The following NUP50 variants were observed in gnomAD, a reference collection of about 807,000 sequenced individuals.
NUP50 encodes the protein nucleoporin 50.
In NUP50, 14 loss-of-function variants were observed where a neutral mutation model predicts 36.8. That is an observed-to-expected ratio of 0.38 (90% CI 0.25 to 0.59). The LOEUF is 0.59. Ranked by LOEUF, NUP50 falls within the 20% of genes least tolerant of loss-of-function variation. NUP50 has a pLI of 0.63. For missense variants in NUP50, 455 were observed against 564.6 expected, an observed-to-expected ratio of 0.81 and a Z score of 1.97; for synonymous variants, 195 against 210.8, an observed-to-expected ratio of 0.93 and a Z score of 0.65.
intron 2 of NUP50, among the ~76,000 whole-genome samples, chr22:45,170,401 C>G (rs1040249273): frequency 7.9e-5 from 12 of 152,158 alleles, no homozygotes; most frequent in South Asian, 2.1e-4. Context: ...TGTGTTACCC[C>G]CAGGCCAGAT....
intron 1 of NUP50, chr22:45,164,529 A>AG (rs2074062951): frequency 6.7e-6 from 1 of 148,904 alleles, no homozygotes; most frequent in Non-Finnish European, 1.5e-5. Flanking sequence ...AAGGGGCTGG[A>AG]GGACGGGACC....
At chr22:45,172,451 C>T (rs553225943) in intron 3 of NUP50, among the ~76,000 whole-genome samples, 2 of 152,130 alleles carry the variant, frequency 1.3e-5, no homozygotes, top group East Asian at 3.8e-4. Flanking sequence ...TGAGCACCAA[C>T]GTGATGCTCC....
At chr22:45,181,217 A>T in intron 5 of NUP50, 69 bp from the exon 6 acceptor site, 3 of 1,068,810 alleles carry the variant, frequency 2.8e-6, no homozygotes, top group Non-Finnish European at 3.9e-6. Flanking sequence ...GTGTTACGTA[A>T]CAAAACTTCA....
In NUP50 at chr22:45,185,271, A is replaced by G. The variant is rs1483925156; in HGVS notation, c.*616A>G. 1.3e-5 allele frequency: 2 copies of G among 152,614 alleles called. No individual in the cohort carries two copies. The highest frequency in any genetic ancestry group is 2.9e-5 in the Non-Finnish European group (2 of 68,360). The allele number at this position is 152,614 out of a possible 1,614,324, so 9.5% of individuals were successfully genotyped here. ...TGCTTCACGAGAATTCAGGACCTGC[A>G]TTTTCATTCTAAAAAGAAATGAACA... On this transcript the variant is annotated 3_prime_UTR_variant, in exon 8 of 8. Coordinates refer to ENST00000347635, the MANE Select transcript of NUP50 (RefSeq NM_007172.4).
chr22:45,186,903 T>A lies in NUP50; in HGVS notation c.*2248T>A, dbSNP rs2083453352. On this transcript the variant is annotated 3_prime_UTR_variant, in exon 8 of 8. Transcript: ENST00000347635. ...TCATTGTAAAATTTAACTCCTTGTC[T>A]TTTACTTGGGGCACGGGGCCCCTGG... is the stretch of plus-strand genomic sequence containing the variant. 1 of 152,396 alleles carries A rather than the reference T, an allele frequency of 6.6e-6. No homozygotes were observed. Among genetic ancestry groups the A allele is most frequent in the Admixed American group, 6.5e-5 (1 of 15,280 alleles). The allele number at this position is 152,396 out of a possible 1,614,324, so 9.4% of individuals were successfully genotyped here.
chr22:45,181,142 C>A lies in NUP50; in HGVS notation c.1004-144C>A, dbSNP rs1161634600. 4 of 171,260 alleles carry A rather than the reference C, an allele frequency of 2.3e-5. No individual in the cohort carries two copies. In the East Asian group the frequency reaches 6.2e-4, roughly 27 times the overall value. 10.6% of individuals were successfully genotyped at this position (171,260 alleles called of 1,614,324 possible). A position where few individuals can be genotyped will look rare whatever the true frequency, so the allele number is the denominator to read the frequency against. On this transcript the variant is annotated intron_variant, in intron 5 of 7. Transcript: ENST00000347635. ...AGGTACTCCCTTCTGGCATCCCCCC[C>A]CCCCCCCATTAAGTGTGCATTTTAG...
rs902529146 is a variant in NUP50, at chr22:45,186,303, CTTT to C, written c.*1651_*1653del. On this transcript the variant is annotated 3_prime_UTR_variant, in exon 8 of 8. Transcript: ENST00000347635. ...GAAGTGGCCGTTAGTTTTACACTGA[CTTT>C]TTAAGAATGGAGAATGCACGTGGGT... is the stretch of plus-strand genomic sequence containing the variant. 1.3e-5 allele frequency: 2 copies of C among 152,184 alleles called. No homozygotes were observed. Among genetic ancestry groups the C allele is most frequent in the African/African-American group, 4.8e-5 (2 of 41,430 alleles). The allele number at this position is 152,184 out of a possible 1,614,324, so 9.4% of individuals were successfully genotyped here. A position where few individuals can be genotyped will look rare whatever the true frequency, so the allele number is the denominator to read the frequency against.
At chr22:45,172,450 A>G (rs1211872752) in intron 3 of NUP50, among the ~76,000 whole-genome samples, 1 of 152,188 alleles carries the variant, frequency 6.6e-6, no homozygotes, top group African/African-American at 2.4e-5. Context: ...TTGAGCACCA[A>G]CGTGATGCTC....
intron 3 of NUP50, among the ~76,000 whole-genome samples, chr22:45,175,206 C>T (rs1027041006): frequency 2.0e-5 from 3 of 152,136 alleles, no homozygotes; most frequent in East Asian, 1.9e-4. Context: ...AGAATTCATA[C>T]GGAATGCCAC....
At chr22:45,182,781 C>T (rs561371566) in intron 6 of NUP50, among the ~76,000 whole-genome samples, 4 of 151,858 alleles carry the variant, frequency 2.6e-5, no homozygotes, top group African/African-American at 4.8e-5. Context: ...CCCGCCACCA[C>T]GCTCAGCTAA....
At chr22:45,170,757 A>G (rs925239375) in intron 2 of NUP50, among the ~76,000 whole-genome samples, 6 of 152,216 alleles carry the variant, frequency 3.9e-5, no homozygotes, top group African/African-American at 1.4e-4. Context: ...CTAGATTACC[A>G]TGTAACTATT....
chr22:45,170,376 G>T (rs1052545686), intron 2 of NUP50, among the ~76,000 whole-genome samples: 2 of 152,206 alleles, frequency 1.3e-5, no homozygotes, highest in Non-Finnish European at 1.5e-5. Flanking sequence ...CTCTACAGTC[G>T]TACCTTATCA....
chr22:45,183,079 T>TGGGGGTGGGGGG (rs2074405021), intron 6 of NUP50, among the ~76,000 whole-genome samples: 2 of 7,934 alleles, frequency 2.5e-4, no homozygotes, highest in African/African-American at 5.2e-4. Flanking sequence ...TGGCAGGGGT[T>TGGGGGTGGGGGG]GGGGGCGGGG....
chr22:45,168,276 C>T (rs1353628290), intron 2 of NUP50, 30 bp downstream of exon 2: 3 of 1,562,338 alleles, frequency 1.9e-6, no homozygotes, highest in Non-Finnish European at 2.6e-6. Flanking sequence ...AGAATGATTT[C>T]CTGTTTCTTT....
chr22:45,163,977 T>C lies in NUP50; in HGVS notation c.-330T>C, dbSNP rs565139658. 6.6e-5 allele frequency: 10 copies of C among 152,352 alleles called. No individual in the cohort carries two copies. The highest frequency in any genetic ancestry group is 2.2e-4 in the African/African-American group (9 of 41,592). The allele number at this position is 152,352 out of a possible 1,614,324, so 9.4% of individuals were successfully genotyped here. On this transcript the variant is annotated 5_prime_UTR_variant, in exon 1 of 8. Transcript: ENST00000347635. ...GCGGGCGTTTCTTTCCTCCCTTTTTTTCGAATTGGTTTTGGGGGTAGATTC... is the reference window on the plus strand; with the variant it reads ...GCGGGCGTTTCTTTCCTCCCTTTTTCTCGAATTGGTTTTGGGGGTAGATTC...
In NUP50 at chr22:45,164,101, G is replaced by GA. The variant is rs2074055140; in HGVS notation, c.-205dup. The GA allele has an allele frequency of 6.6e-6, 1 of 152,302 alleles. No individual in the cohort carries two copies. Among genetic ancestry groups the GA allele is most frequent in the Admixed American group, 6.5e-5 (1 of 15,290 alleles). 9.4% of individuals were successfully genotyped at this position (152,302 alleles called of 1,614,324 possible). On this transcript the variant is annotated 5_prime_UTR_variant, in exon 1 of 8. Coordinates refer to ENST00000347635, the MANE Select transcript of NUP50 (RefSeq NM_007172.4). ...GCCTCCCTGCCGAACACAGCGTGAG[G>GA]AGCCCCCCCAGGGATATGGTGTTTG...
intron 1 of NUP50, 41 bp from the exon 2 acceptor site, chr22:45,168,127 T>C (rs1160227196): frequency 7.1e-7 from 1 of 1,414,224 alleles, no homozygotes; most frequent in South Asian, 1.2e-5. Context: ...TAAGAATTTA[T>C]TCTTCTAGAA....
At position 45,186,671 on chromosome 22, in the gene NUP50, T is replaced by C. The variant is rs1482464149; in HGVS notation, c.*2016T>C. 4 of 152,674 alleles carry C rather than the reference T, an allele frequency of 2.6e-5. No homozygotes were observed. Among genetic ancestry groups the C allele is most frequent in the South Asian group, 2.1e-4 (1 of 4,834 alleles). The allele number at this position is 152,674 out of a possible 1,614,324, so 9.5% of individuals were successfully genotyped here. ...GTTTATATATTTTTAAATTAGTAGG[T>C]ATGTGTGGCTTCCTTTTTTCCTAAC... On this transcript the variant is annotated 3_prime_UTR_variant, in exon 8 of 8. Transcript: ENST00000347635.
rs530983812 is a variant in NUP50 at position 45,184,667 on chromosome 22, C to T, written c.*12C>T. ...AAAAGGATGCCTGAACACGCAAAGT[C>T]GGCTGCAGAATTATTGCCAAGTTGC... On this transcript the variant is annotated 3_prime_UTR_variant, in exon 8 of 8. Transcript: ENST00000347635. The T allele has an allele frequency of 4.4e-6, 7 of 1,604,924 alleles. No homozygotes were observed. Among genetic ancestry groups the T allele is most frequent in the African/African-American group, 4.1e-5 (3 of 73,898 alleles).
Sources: gnomAD v4.1 joint callset for allele counts (sites outside exome capture counted in the v4.1 genomes callset) on GRCh38, gnomAD v4.1.1 for gene constraint, MANE v1.5 for transcripts, NCBI Gene and HGNC (gene_info 2026-07-23, HGNC 2026-07-21) for gene names.